The following SBF2 variants were observed in gnomAD, a reference collection of about 807,000 sequenced individuals.
SBF2 encodes myotubularin-related protein 13.
A neutral mutation model predicts 225.2 loss-of-function variants in SBF2; 112 were observed. That is an observed-to-expected ratio of 0.50 (90% CI 0.43 to 0.58). The LOEUF (loss-of-function observed/expected upper bound fraction) is 0.58. Among genes scored for constraint, SBF2 ranks in the 20% least tolerant of loss-of-function variants. SBF2 has a pLI of 0.00. For missense variants in SBF2, 1,996 were observed against 2,206.2 expected (o/e 0.90, Z 1.91); for synonymous variants, 763 against 773.3 (o/e 0.99, Z 0.22).
At chr11:10,095,636 C>T (rs1169184426) in intron 2 of SBF2, among the ~76,000 whole-genome samples, 3 of 151,992 alleles carry the variant, frequency 2.0e-5, no homozygotes, top group Non-Finnish European at 4.4e-5. Flanking sequence ...GAGTCATGTT[C>T]CAAAGAAAAT....
At chr11:9,902,014 C>A (rs1861759414) in intron 16 of SBF2, among the ~76,000 whole-genome samples, 2 of 152,160 alleles carry the variant, frequency 1.3e-5, no homozygotes, top group South Asian at 4.1e-4. Flanking sequence ...AGATAGAAGA[C>A]CCTGAAGGAA....
chr11:9,789,820 G>T (rs1264253599), intron 34 of SBF2, among the ~76,000 whole-genome samples: 4 of 152,236 alleles, frequency 2.6e-5, no homozygotes, highest in Non-Finnish European at 4.4e-5. Context: ...TGACTTAGGA[G>T]ACTGACTTGG....
chr11:9,779,457 TCTTA>T lies in SBF2; in HGVS notation c.*957_*960del, dbSNP rs1218084528. The T allele has an allele frequency of 6.6e-6, 1 of 152,586 alleles. No individual in the cohort carries two copies. Among genetic ancestry groups the T allele is most frequent in the Non-Finnish European group, 1.5e-5 (1 of 68,016 alleles). 9.5% of individuals were successfully genotyped at this position (152,586 alleles called of 1,614,324 possible). On this transcript the variant is annotated 3_prime_UTR_variant, in exon 40 of 40. Transcript: ENST00000256190. ...AAAGTAAAGAAAATCTAAAGACAGT[TCTTA>T]CTTTTCATGTGTAGAAGTGTAGTTT...
In SBF2 at chr11:10,151,614, G is replaced by A. The variant is rs1012441269; in HGVS notation, c.141+42288C>T. On this transcript the variant is annotated intron_variant, in intron 2 of 39. Coordinates refer to ENST00000256190, the MANE Select transcript of SBF2 (RefSeq NM_030962.4). Reference sequence around the variant, plus strand: ...GTTCATTTTAACTTAAAACATAAATGTACAACTTTTACTACAATAAGAAAC... The same window carrying A: ...GTTCATTTTAACTTAAAACATAAATATACAACTTTTACTACAATAAGAAAC... Among the ~76,000 whole-genome samples, 5 of 152,088 alleles carry A rather than the reference G, an allele frequency of 3.3e-5. No homozygotes were observed. In the South Asian group the frequency reaches 8.3e-4, roughly 25 times the overall value.
At chr11:9,952,126 A>G (rs1372109370) in intron 16 of SBF2, among the ~76,000 whole-genome samples, 1 of 152,242 alleles carries the variant, frequency 6.6e-6, no homozygotes, top group Admixed American at 6.5e-5. Context: ...GGGAAAGCCC[A>G]CTGGCATTCT....
chr11:10,191,052 AT>A (rs1290408408), intron 2 of SBF2, among the ~76,000 whole-genome samples: 2 of 152,288 alleles, frequency 1.3e-5, no homozygotes, highest in East Asian at 3.9e-4. Context: ...TACTACCACC[AT>A]TATGTACGTG....
At position 9,808,064 on chromosome 11, in the gene SBF2, G is replaced by A; in HGVS notation, c.4379C>T (p.Thr1460Ile). 1 of 1,614,158 alleles carries A rather than the reference G, an allele frequency of 6.2e-7. No homozygotes were observed. Among genetic ancestry groups the A allele is most frequent in the African/African-American group, 1.3e-5 (1 of 75,050 alleles). ...GHKFSQRSSL[T>I]LNCQGSGFAP... is the part of the protein sequence containing the mutation. ...AAAACCACTCCCCTGACAGTTGAGGGTCAAGCTGCTCCTCTGACTGAATTT... is the reference window on the plus strand; with the variant it reads ...AAAACCACTCCCCTGACAGTTGAGGATCAAGCTGCTCCTCTGACTGAATTT... Residue 1460 changes from threonine to isoleucine, a missense_variant, in exon 32 of 40, where the codon ACC becomes ATC. By Grantham distance (89) the Thr-to-Ile change is moderately conservative (BLOSUM62 -1). Transcript: ENST00000256190.
intron 38 of SBF2, among the ~76,000 whole-genome samples, chr11:9,782,662 G>C (rs1852091199): frequency 6.6e-6 from 1 of 152,050 alleles, no homozygotes; most frequent in East Asian, 1.9e-4. Context: ...CTTGAGGTCA[G>C]GAGTTTGAGA....
chr11:9,952,357 T>C (rs979752142), intron 16 of SBF2, among the ~76,000 whole-genome samples: 12 of 152,178 alleles, frequency 7.9e-5, no homozygotes, highest in Non-Finnish European at 2.9e-5. Context: ...GGGAGGGGGA[T>C]CCAACAGAAT....
intron 1 of SBF2, among the ~76,000 whole-genome samples, chr11:10,279,602 G>A (rs192818844): frequency 1.1e-3 from 165 of 152,094 alleles, no homozygotes; most frequent in Admixed American, 2.9e-3. Flanking sequence ...ATATGCCTAC[G>A]TGACCTGTCA....
intron 2 of SBF2, among the ~76,000 whole-genome samples, chr11:10,159,269 C>T (rs1475812361): frequency 6.6e-6 from 1 of 152,148 alleles, no homozygotes; most frequent in South Asian, 2.1e-4. Context: ...AGCCCTTTCC[C>T]AAAGCAGACC....
chr11:10,146,511 G>A (rs1217382577), intron 2 of SBF2, among the ~76,000 whole-genome samples: 1 of 152,128 alleles, frequency 6.6e-6, no homozygotes. Flanking sequence ...GCAATAACTG[G>A]CTAGCCGTAT....
chr11:9,912,811 A>T (rs1468105177), intron 16 of SBF2, among the ~76,000 whole-genome samples: 1 of 152,278 alleles, frequency 6.6e-6, no homozygotes, highest in African/African-American at 2.4e-5. Flanking sequence ...CTGTCAATTT[A>T]AAAATTTATA....
chr11:10,008,125 A>G (rs1948280300), intron 6 of SBF2, among the ~76,000 whole-genome samples: 1 of 152,172 alleles, frequency 6.6e-6, no homozygotes, highest in African/African-American at 2.4e-5. Flanking sequence ...TCCAATTGGG[A>G]TTACAATACC....
intron 25 of SBF2, among the ~76,000 whole-genome samples, chr11:9,840,719 T>C (rs967786001): frequency 1.3e-5 from 2 of 152,200 alleles, no homozygotes; most frequent in Middle Eastern, 3.2e-3. Context: ...AACCAGAAGT[T>C]CACTAGAGGG....
Position 9,820,736 on chromosome 11 carries a change from C to A in SBF2, c.3794-3712G>T, listed in dbSNP as rs576099068. ...TATTTGAACTTTGATCACATTGTGTCGATTATCTGTATATTCTTTCACTCT... is the reference window on the plus strand; with the variant it reads ...TATTTGAACTTTGATCACATTGTGTAGATTATCTGTATATTCTTTCACTCT... On this transcript the variant is annotated intron_variant, in intron 28 of 39. Transcript: ENST00000256190. 2.6e-5 allele frequency among the ~76,000 whole-genome samples: 4 copies of A among 152,218 alleles called. No individual in the cohort carries two copies. The East Asian group carries it at 7.7e-4, about 29-fold the overall frequency.
chr11:9,787,864 G>A (rs901182981), intron 35 of SBF2, 126 bp from the exon 36 acceptor site: 5 of 781,702 alleles, frequency 6.4e-6, no homozygotes, highest in Non-Finnish European at 8.8e-6. Context: ...GGAAAGTGGT[G>A]GACATGGGCC....
intron 29 of SBF2, among the ~76,000 whole-genome samples, chr11:9,815,206 A>T (rs1399151617): frequency 6.7e-6 from 1 of 148,836 alleles, no homozygotes; most frequent in Admixed American, 6.8e-5. Context: ...TTGGGAGGCC[A>T]GGGCGGGTGG....
chr11:9,856,385 T>TA, intron 19 of SBF2, 73 bp downstream of exon 19: 2 of 1,585,834 alleles, frequency 1.3e-6, no homozygotes, highest in Admixed American at 1.7e-5. Flanking sequence ...TCAAAATGTT[T>TA]AATATTATCT....
Sources: allele counts gnomAD v4.1 joint callset (sites outside exome capture counted in the v4.1 genomes callset), GRCh38; gene constraint gnomAD v4.1.1; transcripts MANE v1.5; gene names NCBI Gene and HGNC (gene_info 2026-07-23, HGNC 2026-07-21).